EHD2: variants seen among roughly 807,000 people sequenced by gnomAD.
EHD2 encodes EH domain containing 2.
EHD2 carries 27 observed loss-of-function variants against 41.0 expected under a neutral mutation model. The ratio of observed to expected loss-of-function variants is 0.66; its 90% confidence interval spans 0.49 to 0.91. EHD2 has a LOEUF of 0.91. Among genes scored for constraint, EHD2 ranks in the 40% least tolerant of loss-of-function variants. EHD2 has a pLI of 0.00. For missense variants in EHD2, 673 were observed against 773.9 expected (o/e 0.87, Z 1.55); for synonymous variants, 342 against 341.0 (o/e 1.00, Z -0.03).
At chr19:47,726,348 T>C in intron 4 of EHD2, 124 bp downstream of exon 4, 1 of 1,199,514 alleles carries the variant, frequency 8.3e-7, no homozygotes, top group Non-Finnish European at 1.1e-6. Flanking sequence ...AGTTGGGTCA[T>C]TCTGGCACAG....
intron 4 of EHD2, among the ~76,000 whole-genome samples, chr19:47,728,160 A>AT (rs1311584673): frequency 6.6e-6 from 1 of 150,504 alleles, no homozygotes; most frequent in Non-Finnish European, 1.5e-5. Flanking sequence ...CCCGTCTCCC[A>AT]TGACTCTTGT....
chr19:47,725,789 C>T (rs1568590099), intron 3 of EHD2, 23 bp from the exon 4 acceptor site: 2 of 1,557,370 alleles, frequency 1.3e-6, no homozygotes, highest in Non-Finnish European at 1.7e-6. Context: ...CCTTGCGCCC[C>T]TGTCTCTCCA....
Position 47,719,397 on chromosome 19 carries a change from C to T in EHD2, c.502+791C>T, listed in dbSNP as rs1204738013. 1.3e-5 allele frequency among the ~76,000 whole-genome samples: 2 copies of T among 152,034 alleles called. No individual in the cohort carries two copies. Among genetic ancestry groups the T allele is most frequent in the African/African-American group, 4.8e-5 (2 of 41,400 alleles). Reference sequence around the variant, plus strand: ...ATCTGGGTGGGGGCCAAGGCCAGGCCTGGAATTTATAAACAGCTGTGCAAG... The same window carrying T: ...ATCTGGGTGGGGGCCAAGGCCAGGCTTGGAATTTATAAACAGCTGTGCAAG... On this transcript the variant is annotated intron_variant, in intron 3 of 5. Transcript: ENST00000263277. This position sits in a 1 kb window ranked among gnomAD's most constrained non-coding sequence, Gnocchi z 4.1.
Position 47,741,204 on chromosome 19 carries a change from C to A in EHD2, c.1404C>A (p.Ser468Arg). 6.2e-7 allele frequency: 1 copy of A among 1,613,766 alleles called. No individual in the cohort carries two copies. Among genetic ancestry groups the A allele is most frequent in the Non-Finnish European group, 8.5e-7 (1 of 1,179,914 alleles). Residue 468 changes from serine (S) to arginine (R), a missense_variant, in exon 6 of 6, where the codon AGC (serine) becomes AGA (arginine). Physicochemically the swap from Ser to Arg is moderately radical, Grantham distance 110. Transcript: ENST00000263277. The surrounding 1 kb of genome is among the most constrained non-coding windows in gnomAD (Gnocchi z 4.5). The part of the protein sequence containing the change: ...YNLAPADGKL[S>R]GSKAKTWMVG... ...TGGCGCCTGCCGACGGCAAGCTGAG[C>A]GGCTCCAAGGCCAAGACCTGGATGG...
At chr19:47,728,461 C>T (rs1439911281) in intron 4 of EHD2, among the ~76,000 whole-genome samples, 4 of 152,070 alleles carry the variant, frequency 2.6e-5, no homozygotes, top group Non-Finnish European at 5.9e-5. Context: ...TCCTTCTTTA[C>T]CCTAACCCTG....
chr19:47,719,754 G>A lies in EHD2; in HGVS notation c.502+1148G>A, dbSNP rs573482022. Among the ~76,000 whole-genome samples the A allele has an allele frequency of 6.6e-6, 1 of 151,946 alleles. No homozygotes were observed. The highest frequency in any genetic ancestry group is 2.1e-4 in the South Asian group (1 of 4,810). ...GGACACGCTGCCAGCTGAGGGGGAG[G>A]AATTCCTGGGGCTCCCACCCCAGGG... On this transcript the variant is annotated intron_variant, in intron 3 of 5. Transcript: ENST00000263277. This position sits in a 1 kb window ranked among gnomAD's most constrained non-coding sequence, Gnocchi z 4.1.
intron 1 of EHD2, 51 bp from the exon 2 acceptor site, chr19:47,716,507 C>T: frequency 9.8e-6 from 13 of 1,324,936 alleles, no homozygotes; most frequent in Non-Finnish European, 1.3e-5. Context: ...AGACCCCTTT[C>T]TTCCTCCTTG....
chr19:47,728,679 C>T (rs1401740688), intron 4 of EHD2, among the ~76,000 whole-genome samples: 1 of 151,920 alleles, frequency 6.6e-6, no homozygotes, highest in African/African-American at 2.4e-5. Flanking sequence ...AGCGATTCTC[C>T]TGCCTCAGCC....
chr19:47,729,179 G>A (rs954728495), intron 4 of EHD2, among the ~76,000 whole-genome samples: 1 of 152,170 alleles, frequency 6.6e-6, no homozygotes, highest in African/African-American at 2.4e-5. Flanking sequence ...TCAGAGCTGG[G>A]GCGGGGTAGC....
chr19:47,730,260 C>T (rs755531912), intron 4 of EHD2, among the ~76,000 whole-genome samples: 6 of 152,082 alleles, frequency 3.9e-5, no homozygotes, highest in Non-Finnish European at 8.8e-5. Flanking sequence ...TCCTTTGGTC[C>T]CTACGGAGCC....
intron 4 of EHD2, chr19:47,731,280 A>AAATATATATATATATG (rs1491458646): frequency 1.8e-4 from 10 of 54,716 alleles, no homozygotes; most frequent in East Asian, 9.1e-4. Context: ...AAAAAAAAAA[A>AAATATATATATATATG]TATATATATA....
At chr19:47,725,112 G>T (rs1479021333) in intron 3 of EHD2, among the ~76,000 whole-genome samples, 1 of 151,888 alleles carries the variant, frequency 6.6e-6, no homozygotes, top group Non-Finnish European at 1.5e-5. Flanking sequence ...GAGGAGCTGG[G>T]GTGATAGAGG....
intron 4 of EHD2, among the ~76,000 whole-genome samples, chr19:47,728,348 G>C (rs1399918528): frequency 6.6e-6 from 1 of 151,704 alleles, no homozygotes; most frequent in Non-Finnish European, 1.5e-5. Context: ...CATCCACAAG[G>C]CTCACTCCCT....
intron 5 of EHD2, among the ~76,000 whole-genome samples, 158 bp from the exon 6 acceptor site, chr19:47,740,723 G>A (rs1966977053): frequency 6.6e-6 from 1 of 152,118 alleles, no homozygotes. Context: ...CTCCAGCCTG[G>A]GCAACAAGAG....
intron 2 of EHD2, among the ~76,000 whole-genome samples, chr19:47,717,659 C>T (rs181126276): frequency 2.0e-4 from 30 of 152,202 alleles, no homozygotes; most frequent in African/African-American, 3.6e-4. Flanking sequence ...GTAATCCCAG[C>T]GCTTTGGGAG....
chr19:47,743,033 T>G lies in EHD2; in HGVS notation c.*1601T>G, dbSNP rs982054441. On this transcript the variant is annotated 3_prime_UTR_variant, in exon 6 of 6. Transcript: ENST00000263277. The stretch of plus-strand genomic sequence containing the variant: ...ACGACGCACCCTCCAGGATGCTCGC[T>G]GGGATTCCCACGCCCACCACTGTCC... 6 of 152,592 alleles carry G rather than the reference T, an allele frequency of 3.9e-5. No homozygotes were observed. Among genetic ancestry groups the G allele is most frequent in the African/African-American group, 9.7e-5 (4 of 41,444 alleles). The allele number at this position is 152,592 out of a possible 1,614,324, so 9.5% of individuals were successfully genotyped here. A position where few individuals can be genotyped will look rare whatever the true frequency, so the allele number is the denominator to read the frequency against.
At chr19:47,718,657 A>T in intron 3 of EHD2, 51 bp downstream of exon 3, 1 of 1,454,384 alleles carries the variant, frequency 6.9e-7, no homozygotes. Flanking sequence ...TGGGGCCTGG[A>T]CTCCTGGGTC....
At chr19:47,717,359 GTCTT>G (rs1260054197) in intron 2 of EHD2, among the ~76,000 whole-genome samples, 1 of 151,994 alleles carries the variant, frequency 6.6e-6, no homozygotes, top group Non-Finnish European at 1.5e-5. Flanking sequence ...CTGGGGGCAC[GTCTT>G]TCTGTCCCAG....
chr19:47,737,861 A>C (rs994201076), intron 5 of EHD2, among the ~76,000 whole-genome samples: 1 of 144,032 alleles, frequency 6.9e-6, no homozygotes, highest in Non-Finnish European at 1.5e-5. Context: ...GGCACATGCC[A>C]CCATGCCTGG....
Sources: gnomAD v4.1 joint callset for allele counts (sites outside exome capture counted in the v4.1 genomes callset) on GRCh38, gnomAD v4.1.1 for gene constraint, Gnocchi (gnomAD v3.1) non-coding constraint, MANE v1.5 for transcripts, NCBI Gene and HGNC (gene_info 2026-07-23, HGNC 2026-07-21) for gene names.